CFAP20DC: variants seen among roughly 807,000 people sequenced by gnomAD.
CFAP20DC encodes CFAP20 domain containing.
Under a neutral mutation model 101.7 loss-of-function variants are expected in CFAP20DC, and 84 were observed. That is an observed-to-expected ratio of 0.83 (90% CI 0.69 to 0.99). The LOEUF (loss-of-function observed/expected upper bound fraction) is 0.99, where lower values mean the gene tolerates loss of function less well. Among genes scored for constraint, CFAP20DC ranks in the 50% least tolerant of loss-of-function variants. The pLI, the probability that CFAP20DC is intolerant of heterozygous loss-of-function variation, is 0.00. For missense variants in CFAP20DC, 1,007 were observed against 970.3 expected, an observed-to-expected ratio of 1.04 and a Z score of -0.50; for synonymous variants, 359 against 351.2, an observed-to-expected ratio of 1.02 and a Z score of -0.25.
chr3:58,869,269 C>A lies in CFAP20DC; in HGVS notation c.1015+59G>T. The A allele has an allele frequency of 7.3e-7, 1 of 1,365,252 alleles. No individual in the cohort carries two copies. The highest frequency in any genetic ancestry group is 1.0e-6 in the Non-Finnish European group (1 of 992,832). 84.6% of individuals were successfully genotyped at this position (1,365,252 alleles called of 1,614,324 possible). Reference sequence around the variant, plus strand: ...GAATATAACTGCTGATTTATCTTAACAAGAACATTTCTCACTATTTTCACT... The same window carrying A: ...GAATATAACTGCTGATTTATCTTAAAAAGAACATTTCTCACTATTTTCACT... On this transcript the variant is annotated intron_variant, in intron 9 of 16. Transcript: ENST00000482387. The surrounding 1 kb of genome is among the most constrained non-coding windows in gnomAD (Gnocchi z 4.3).
chr3:58,937,039 G>A (rs1576390500), intron 5 of CFAP20DC, among the ~76,000 whole-genome samples: 1 of 151,848 alleles, frequency 6.6e-6, no homozygotes, highest in East Asian at 1.9e-4. Flanking sequence ...ACAGGGTACT[G>A]AGAGTAATAT....
In CFAP20DC at chr3:58,724,144, A is replaced by G. The variant is rs542488306; in HGVS notation, c.198-6516T>C. Among the ~76,000 whole-genome samples, 1 of 152,270 alleles carries G rather than the reference A, an allele frequency of 6.6e-6. No homozygotes were observed. The highest frequency in any genetic ancestry group is 1.9e-4 in the East Asian group (1 of 5,166). On this transcript the variant is annotated intron_variant, in intron 3 of 3. Coordinates refer to the CFAP20DC transcript ENST00000486145. This position sits in a 1 kb window ranked among gnomAD's most constrained non-coding sequence, Gnocchi z 5.6. ...TTCTCAAGTTGGTTTGTGGGGGTCA[A>G]GCAGGTTCTTCCTTTTCCCTGCTGG...
At position 58,814,341 on chromosome 3, in the gene CFAP20DC, T is replaced by C. The variant is rs901820740; in HGVS notation, c.2176-7885A>G. ...CTAAAAACTCTCAATAAATTAGGTA[T>C]TGATGGGACGTATTTCAAAATAATA... On this transcript the variant is annotated intron_variant, in intron 14 of 16. Transcript: ENST00000482387. Among the ~76,000 whole-genome samples, 10 of 151,930 alleles carry C rather than the reference T, an allele frequency of 6.6e-5. 2 individuals are homozygous for C. Among genetic ancestry groups the C allele is most frequent in the African/African-American group, 1.7e-4 (7 of 41,272 alleles).
chr3:58,767,672 G>A (rs1181105222), intron 15 of CFAP20DC, among the ~76,000 whole-genome samples: 4 of 152,192 alleles, frequency 2.6e-5, no homozygotes, highest in East Asian at 3.9e-4. Flanking sequence ...GGGATTACAG[G>A]TGTGGACCAC....
At chr3:58,907,100 T>C (rs1230260215) in intron 6 of CFAP20DC, among the ~76,000 whole-genome samples, 2 of 151,748 alleles carry the variant, frequency 1.3e-5, no homozygotes, top group Admixed American at 6.6e-5. Context: ...GCCTCGTGTG[T>C]GTGTGTGTGT....
rs118086952 is a variant in CFAP20DC at position 58,786,953 on chromosome 3, A to G, written c.2237+19442T>C. Among the ~76,000 whole-genome samples the G allele has an allele frequency of 1.7e-3, 262 of 152,032 alleles. 5 individuals are homozygous for G. In the East Asian group the frequency reaches 0.034, roughly 20 times the overall value. ...GGTATGCATATATAGAAAAAAATAT[A>G]GCATATATAGGGTTTGGCACTATCT... On this transcript the variant is annotated intron_variant, in intron 15 of 16. Coordinates refer to ENST00000482387, the MANE Select transcript of CFAP20DC (RefSeq NM_001394063.1).
intron 4 of CFAP20DC, among the ~76,000 whole-genome samples, chr3:58,949,930 G>T (rs971746892): frequency 1.3e-5 from 2 of 152,140 alleles, no homozygotes; most frequent in African/African-American, 4.8e-5. Flanking sequence ...GGGCAATTAG[G>T]CAGGAGAAGG....
At chr3:58,939,607 C>T (rs184637972) in intron 4 of CFAP20DC, among the ~76,000 whole-genome samples, 359 of 151,468 alleles carry the variant, frequency 2.4e-3, no homozygotes, top group Middle Eastern at 0.01. Context: ...TACAGGCACC[C>T]GCCACCATGC....
At chr3:58,873,520 T>C (rs1032156578) in intron 7 of CFAP20DC, among the ~76,000 whole-genome samples, 1 of 145,990 alleles carries the variant, frequency 6.8e-6, no homozygotes, top group African/African-American at 2.6e-5. Flanking sequence ...CAAGCAGAAG[T>C]CTGGATCAGC....
chr3:58,820,394 C>G (rs1490692160), intron 14 of CFAP20DC, among the ~76,000 whole-genome samples: 1 of 150,344 alleles, frequency 6.7e-6, no homozygotes, highest in African/African-American at 2.5e-5. Context: ...CTAGAAAACC[C>G]CATTGTCTCA....
Position 58,903,010 on chromosome 3 carries a change from A to G in CFAP20DC, c.550+10698T>C, listed in dbSNP as rs144245218. Among the ~76,000 whole-genome samples, 149 of 152,258 alleles carry G rather than the reference A, an allele frequency of 9.8e-4. 2 individuals are homozygous for G. The East Asian group carries it at 0.026, about 27-fold the overall frequency. The stretch of plus-strand genomic sequence containing the variant: ...TATATTCCGGGTACTAGAATATACT[A>G]GAATGTTTTCTCTCTATATATTCAT... On this transcript the variant is annotated intron_variant, in intron 6 of 16. Transcript: ENST00000482387.
chr3:58,742,763 C>T lies in CFAP20DC; in HGVS notation c.2333-191G>A, dbSNP rs567485753. Among the ~76,000 whole-genome samples the T allele has an allele frequency of 2.6e-5, 4 of 152,200 alleles. No homozygotes were observed. In the South Asian group the frequency reaches 8.3e-4, roughly 32 times the overall value. The stretch of plus-strand genomic sequence containing the variant: ...CATGTGGTTCCAGGTGGAGAAGAAA[C>T]ACCAGTGACCAGAAGGACCAACTTC... On this transcript the variant is annotated intron_variant, in intron 16 of 16. Coordinates refer to ENST00000482387, the MANE Select transcript of CFAP20DC (RefSeq NM_001394063.1).
At chr3:59,004,009 C>T (rs1160025327) in intron 4 of CFAP20DC, among the ~76,000 whole-genome samples, 3 of 152,274 alleles carry the variant, frequency 2.0e-5, no homozygotes, top group Non-Finnish European at 2.9e-5. Flanking sequence ...ATTCTCACCT[C>T]ATAAATGTCT....
Position 58,863,935 on chromosome 3 carries a change from TA to T in CFAP20DC, c.1259-44del. 1.3e-6 allele frequency: 2 copies of T among 1,516,978 alleles called. No individual in the cohort carries two copies. The highest frequency in any genetic ancestry group is 1.8e-6 in the Non-Finnish European group (2 of 1,132,634). The allele number at this position is 1,516,978 out of a possible 1,614,324, so 94.0% of individuals were successfully genotyped here. ...TGACAAAAATTAGAGCAGTAATCCA[TA>T]AAAGTGTTATTTTTATTTATTTATT... On this transcript the variant is annotated intron_variant, in intron 11 of 16. Coordinates refer to ENST00000482387, the MANE Select transcript of CFAP20DC (RefSeq NM_001394063.1). The surrounding 1 kb of genome is among the most constrained non-coding windows in gnomAD (Gnocchi z 5.9).
intron 14 of CFAP20DC, among the ~76,000 whole-genome samples, chr3:58,825,544 C>CACACACAT (rs2075984673): frequency 6.6e-6 from 1 of 151,804 alleles, no homozygotes; most frequent in African/African-American, 2.4e-5. Flanking sequence ...AGAAAACACA[C>CACACACAT]ACACACACAC....
chr3:59,016,553 A>G (rs967105495), intron 4 of CFAP20DC, among the ~76,000 whole-genome samples: 3 of 151,910 alleles, frequency 2.0e-5, no homozygotes, highest in African/African-American at 7.2e-5. Context: ...TTATACAAAG[A>G]AATAATAAAT....
In CFAP20DC at chr3:58,861,779, C is replaced by T. The variant is rs2079271672; in HGVS notation, c.1593+1779G>A. The T allele has an allele frequency of 2.0e-6, 2 of 985,448 alleles. No individual in the cohort carries two copies. The highest frequency in any genetic ancestry group is 2.4e-6 in the Non-Finnish European group (2 of 829,946). The allele number at this position is 985,448 out of a possible 1,614,324, so 61.0% of individuals were successfully genotyped here. ...CAGTGTTGGCAATGGGATGGTCTCA[C>T]CACAGACTCTAGCCGTATGCTACTG... On this transcript the variant is annotated intron_variant, in intron 12 of 16. Transcript: ENST00000482387. The surrounding 1 kb of genome is among the most constrained non-coding windows in gnomAD (Gnocchi z 4.0).
At chr3:58,858,503 C>A (rs1215614786) in intron 12 of CFAP20DC, among the ~76,000 whole-genome samples, 2 of 152,112 alleles carry the variant, frequency 1.3e-5, no homozygotes, top group Non-Finnish European at 2.9e-5. Context: ...CTCTTGAGGG[C>A]CACCTACTTG....
intron 13 of CFAP20DC, among the ~76,000 whole-genome samples, chr3:58,832,684 G>A (rs1309033262): frequency 6.6e-6 from 1 of 152,154 alleles, no homozygotes; most frequent in Non-Finnish European, 1.5e-5. Flanking sequence ...TGGATTTACT[G>A]TATATGTCAT....
Sources: allele counts gnomAD v4.1 joint callset (sites outside exome capture counted in the v4.1 genomes callset), GRCh38; gene constraint gnomAD v4.1.1; non-coding constraint Gnocchi (gnomAD v3.1); transcripts MANE v1.5; gene names NCBI Gene and HGNC (gene_info 2026-07-23, HGNC 2026-07-21).